COL5A2: variants seen among roughly 807,000 people sequenced by gnomAD.
COL5A2 encodes collagen type V alpha 2 chain, also known as collagen alpha-2(V) chain.
COL5A2 carries 23 observed loss-of-function variants against 208.2 expected under a neutral mutation model. The observed-to-expected ratio is 0.11, with a 90% CI of 0.08 to 0.16. The LOEUF is 0.16. Ranked by LOEUF, COL5A2 falls within the 10% of genes least tolerant of loss-of-function variation. The pLI is 1.00. For missense variants in COL5A2, 1,590 were observed against 1,956.4 expected (o/e 0.81, Z 3.53); for synonymous variants, 625 against 628.5 (o/e 0.99, Z 0.08).
chr2:189,433,733 A>T, the COL5A2 span, among the ~76,000 whole-genome samples: 2 of 152,202 alleles, frequency 1.3e-5, no homozygotes, highest in African/African-American at 4.8e-5. Flanking sequence ...ATGGATTCAC[A>T]GTCGAATTCT....
chr2:189,412,711 G>C, the COL5A2 span, among the ~76,000 whole-genome samples: 41 of 152,146 alleles, frequency 2.7e-4, no homozygotes, highest in African/African-American at 9.7e-4. Context: ...CCAATGAATT[G>C]CCAATCAATT....
intron 7 of COL5A2, 86 bp downstream of exon 7, chr2:189,092,224 G>T: frequency 2.2e-6 from 2 of 891,562 alleles, no homozygotes; most frequent in Non-Finnish European, 3.7e-6. Flanking sequence ...GTCAATATCT[G>T]AACAGACACA....
chr2:189,210,741 G>A (rs1265915541), intron 1 of COL5A2, among the ~76,000 whole-genome samples: 1 of 152,090 alleles, frequency 6.6e-6, no homozygotes, highest in African/African-American at 2.4e-5. Flanking sequence ...GCATCATCTG[G>A]TCTTTATAAC....
chr2:189,160,758 C>A (rs1240275232), intron 1 of COL5A2, among the ~76,000 whole-genome samples: 1 of 151,602 alleles, frequency 6.6e-6, no homozygotes, highest in Non-Finnish European at 1.5e-5. Flanking sequence ...TAGTTTTCTG[C>A]AAAACAATGC....
chr2:189,281,877 G>T, the COL5A2 span, among the ~76,000 whole-genome samples: 2 of 152,072 alleles, frequency 1.3e-5, no homozygotes, highest in Non-Finnish European at 2.9e-5. Context: ...CCTACACTAC[G>T]AAACACATTA....
chr2:189,338,923 C>G, the COL5A2 span, among the ~76,000 whole-genome samples: 6 of 151,986 alleles, frequency 3.9e-5, no homozygotes, highest in Admixed American at 1.3e-4. Flanking sequence ...CTCAAACTTG[C>G]TATCTTTAAA....
At chr2:189,194,376 T>C (rs1688969399) in intron 1 of COL5A2, among the ~76,000 whole-genome samples, 1 of 152,226 alleles carries the variant, frequency 6.6e-6, no homozygotes, top group Non-Finnish European at 1.5e-5. Context: ...TACCCTAATA[T>C]AATCATTGTT....
chr2:189,328,900 A>T, the COL5A2 span, among the ~76,000 whole-genome samples: 1 of 152,230 alleles, frequency 6.6e-6, no homozygotes, highest in Non-Finnish European at 1.5e-5. Context: ...CCTTACAGAA[A>T]TGTGATGGTT....
At chr2:189,370,648 A>T in the COL5A2 span, among the ~76,000 whole-genome samples, 7 of 152,134 alleles carry the variant, frequency 4.6e-5, no homozygotes, top group African/African-American at 1.7e-4. Context: ...ATGCACATAC[A>T]ACACATACAA....
chr2:189,210,649 T>C (rs1291756409), intron 1 of COL5A2, among the ~76,000 whole-genome samples: 2 of 152,250 alleles, frequency 1.3e-5, no homozygotes, highest in South Asian at 2.1e-4. Flanking sequence ...TTTAACTTAA[T>C]ACCAATGGAG....
At chr2:189,248,178 C>T in the COL5A2 span, among the ~76,000 whole-genome samples, 1 of 152,094 alleles carries the variant, frequency 6.6e-6, no homozygotes, top group African/African-American at 2.4e-5. Flanking sequence ...TAGCAATGTG[C>T]TTTTTTCAGT....
At chr2:189,307,885 A>C in the COL5A2 span, among the ~76,000 whole-genome samples, 1 of 152,208 alleles carries the variant, frequency 6.6e-6, no homozygotes, top group Non-Finnish European at 1.5e-5. Context: ...TTTATCCTGT[A>C]CATAAACAAG....
At chr2:189,138,750 A>C (rs1050889075) in intron 1 of COL5A2, among the ~76,000 whole-genome samples, 5 of 152,234 alleles carry the variant, frequency 3.3e-5, no homozygotes, top group Non-Finnish European at 7.3e-5. Context: ...TGATGGGGAT[A>C]TATCAAAGGG....
At chr2:189,034,243 A>C in intron 53 of COL5A2, 27 bp from the exon 54 acceptor site, 2 of 1,613,458 alleles carry the variant, frequency 1.2e-6, no homozygotes, top group Non-Finnish European at 1.7e-6. Context: ...CAATGGGTTA[A>C]ATGTACATAC....
chr2:189,150,724 A>T (rs551137710), intron 1 of COL5A2, among the ~76,000 whole-genome samples: 2 of 152,292 alleles, frequency 1.3e-5, no homozygotes, highest in East Asian at 3.9e-4. Flanking sequence ...TTTGTTCTAG[A>T]ATGAACTTAG....
the COL5A2 span, among the ~76,000 whole-genome samples, chr2:189,440,941 G>C: frequency 6.6e-6 from 1 of 152,192 alleles, no homozygotes; most frequent in East Asian, 1.9e-4. Flanking sequence ...TGGAGATTCT[G>C]TAGTAACCTA....
chr2:189,075,075 T>C (rs1194206688), intron 17 of COL5A2, among the ~76,000 whole-genome samples: 1 of 152,198 alleles, frequency 6.6e-6, no homozygotes, highest in Non-Finnish European at 1.5e-5. Context: ...CTGTGTTTTG[T>C]CATCTATCTA....
rs59397955 is a variant in COL5A2, at chr2:189,043,089, G to A, written c.3471+62C>T. ...CTATTTTACAGACAGATAAATGTTC[G>A]TGTCAAGATACCCGTGTATTTTCAA... is the stretch of plus-strand genomic sequence containing the variant. On this transcript the variant is annotated intron_variant, in intron 48 of 53. Transcript: ENST00000374866. The A allele has an allele frequency of 0.048, 56,245 of 1,166,376 alleles. 1,757 individuals carry two copies. The highest frequency in any genetic ancestry group is 0.14 in the African/African-American group (9,204 of 66,640). The allele number at this position is 1,166,376 out of a possible 1,614,324, so 72.3% of individuals were successfully genotyped here.
chr2:189,244,247 CGTT>C, the COL5A2 span, among the ~76,000 whole-genome samples: 1 of 152,210 alleles, frequency 6.6e-6, no homozygotes, highest in African/African-American at 2.4e-5. Context: ...TTTTCTATCA[CGTT>C]GTCAGGCTGC....
Sources: allele counts gnomAD v4.1 joint callset (sites outside exome capture counted in the v4.1 genomes callset), GRCh38; gene constraint gnomAD v4.1.1; transcripts MANE v1.5; gene names NCBI Gene and HGNC (gene_info 2026-07-23, HGNC 2026-07-21).